CPLX1: variants seen among roughly 807,000 people sequenced by gnomAD.
CPLX1 encodes complexin 1.
Under a neutral mutation model 15.6 loss-of-function variants are expected in CPLX1, and 6 were observed. That is an observed-to-expected ratio of 0.39 (90% CI 0.21 to 0.76). The LOEUF (loss-of-function observed/expected upper bound fraction) is 0.76, where lower values mean the gene tolerates loss of function less well. CPLX1 is among the 30% of genes least tolerant of loss of function. The pLI, the probability that CPLX1 is intolerant of heterozygous loss-of-function variation, is 0.43. For synonymous variants in CPLX1, 91 were observed against 75.2 expected (o/e 1.21, Z -1.08); for missense variants, 242 against 188.6 (o/e 1.28, Z -1.66).
At chr4:823,459 A>C (rs1746910973) in intron 2 of CPLX1, among the ~76,000 whole-genome samples, 1 of 152,186 alleles carries the variant, frequency 6.6e-6, no homozygotes, top group Non-Finnish European at 1.5e-5. Flanking sequence ...CCCCCACTGC[A>C]GAAATGCTCC....
At chr4:807,797 A>T (rs1204352941) in intron 2 of CPLX1, among the ~76,000 whole-genome samples, 1 of 152,138 alleles carries the variant, frequency 6.6e-6, no homozygotes, top group Non-Finnish European at 1.5e-5. Context: ...AATTTTTTTT[A>T]AAACAGAGAA....
At chr4:804,747 A>C in intron 2 of CPLX1, 1 of 985,484 alleles carries the variant, frequency 1.0e-6, no homozygotes, top group South Asian at 4.7e-5. Flanking sequence ...CAAAGAAGTG[A>C]AAACGCACCT....
chr4:789,898 C>T (rs1176728671), intron 3 of CPLX1, among the ~76,000 whole-genome samples: 5 of 76,572 alleles, frequency 6.5e-5, no homozygotes, highest in African/African-American at 1.7e-4. Flanking sequence ...CAGGTGGCCA[C>T]GCCTGAGGGC....
At chr4:815,011 C>A (rs1383290542) in intron 2 of CPLX1, among the ~76,000 whole-genome samples, 1 of 152,152 alleles carries the variant, frequency 6.6e-6, no homozygotes. Flanking sequence ...ACACAGAGAA[C>A]AGAGGAAAAC....
At chr4:787,958 G>C in intron 3 of CPLX1, 1 of 985,428 alleles carries the variant, frequency 1.0e-6, no homozygotes, top group Non-Finnish European at 1.2e-6. Flanking sequence ...GGACCCCCGG[G>C]CCAGGTCCAA....
At chr4:801,938 G>C (rs560167356) in intron 2 of CPLX1, among the ~76,000 whole-genome samples, 19 of 152,320 alleles carry the variant, frequency 1.2e-4, no homozygotes, top group Admixed American at 1.2e-3. Context: ...GGAGGAACTG[G>C]AACACTCATG....
At chr4:792,798 C>A in intron 2 of CPLX1, 190 bp from the exon 3 acceptor site, 6 of 608,304 alleles carry the variant, frequency 9.9e-6, no homozygotes, top group Non-Finnish European at 1.4e-5. Flanking sequence ...GCCCGGGACC[C>A]TCCATCCAGT....
chr4:804,029 GGTGTTCA>G (rs1441227525), intron 2 of CPLX1, among the ~76,000 whole-genome samples: 1 of 152,244 alleles, frequency 6.6e-6, no homozygotes, highest in Non-Finnish European at 1.5e-5. Flanking sequence ...CCGCTACTGC[GGTGTTCA>G]GTGAGATGTG....
At chr4:808,591 CG>C (rs142953815) in intron 2 of CPLX1, among the ~76,000 whole-genome samples, 12 of 152,298 alleles carry the variant, frequency 7.9e-5, no homozygotes, top group African/African-American at 2.9e-4. Context: ...AAAGAGTCAG[CG>C]GTTCAGGAGG....
chr4:822,230 C>G (rs1560248182), intron 2 of CPLX1, among the ~76,000 whole-genome samples: 1 of 151,344 alleles, frequency 6.6e-6, no homozygotes, highest in South Asian at 2.1e-4. Context: ...CTCTCTCTGT[C>G]TCTCTCTCTC....
intron 2 of CPLX1, among the ~76,000 whole-genome samples, chr4:796,595 T>G (rs1746346130): frequency 6.6e-6 from 1 of 152,190 alleles, no homozygotes. Context: ...ATGTTAATTT[T>G]TAAGAATGGA....
At chr4:803,978 G>A (rs1367852545) in intron 2 of CPLX1, among the ~76,000 whole-genome samples, 1 of 152,244 alleles carries the variant, frequency 6.6e-6, no homozygotes, top group African/African-American at 2.4e-5. Flanking sequence ...GCCTCACGGT[G>A]CCTTTTCTAT....
intron 2 of CPLX1, among the ~76,000 whole-genome samples, chr4:809,322 C>T (rs570990921): frequency 1.1e-4 from 16 of 152,360 alleles, no homozygotes; most frequent in South Asian, 2.1e-4. Flanking sequence ...GGGTGGGGCC[C>T]GGCCAAAGCT....
chr4:815,136 C>T (rs575384212), intron 2 of CPLX1, among the ~76,000 whole-genome samples: 8 of 152,252 alleles, frequency 5.3e-5, no homozygotes, highest in African/African-American at 9.6e-5. Context: ...AGGGGTCAGG[C>T]GTGGTGGCTC....
intron 2 of CPLX1, among the ~76,000 whole-genome samples, chr4:808,953 A>G (rs1036425974): frequency 2.6e-5 from 4 of 152,282 alleles, no homozygotes; most frequent in Non-Finnish European, 4.4e-5. Flanking sequence ...TGAAATTAAC[A>G]TAAGAGCAAT....
At chr4:824,980 C>CCAGG (rs1746950027) in intron 1 of CPLX1, 2 of 358,558 alleles carry the variant, frequency 5.6e-6, no homozygotes, top group Non-Finnish European at 1.1e-5. Context: ...GGTCCCGAGC[C>CCAGG]CAGGGCCGTG....
intron 2 of CPLX1, among the ~76,000 whole-genome samples, chr4:819,938 A>G (rs7376690): frequency 0.42 from 64,010 of 152,132 alleles, 13,634 homozygotes; most frequent in Middle Eastern, 0.5. Flanking sequence ...GGTCCCCAGT[A>G]GCATCGCTGA....
chr4:787,856 TG>T, intron 3 of CPLX1: 1 of 985,424 alleles, frequency 1.0e-6, no homozygotes, highest in Non-Finnish European at 1.2e-6. Flanking sequence ...AGCCTCCTGC[TG>T]CCCAGGAAGG....
At chr4:825,941 C>CGGGAGAAGCG (rs1189151034) in intron 1 of CPLX1, 105 bp downstream of exon 1, 1 of 123,396 alleles carries the variant, frequency 8.1e-6, no homozygotes, top group Non-Finnish European at 1.7e-5. Flanking sequence ...CCGGGGCCGG[C>CGGGAGAAGCG]GGGAGAAGCG....
Sources: allele counts gnomAD v4.1 joint callset (sites outside exome capture counted in the v4.1 genomes callset), GRCh38; gene constraint gnomAD v4.1.1; transcripts MANE v1.5; gene names NCBI Gene and HGNC (gene_info 2026-07-23, HGNC 2026-07-21).